Variants in TCF20 observed in about 807,000 individuals in gnomAD.
The protein encoded by TCF20 is SPRE-binding protein.
Under a neutral mutation model 148.6 loss-of-function variants are expected in TCF20, and 3 were observed. The ratio of observed to expected loss-of-function variants is 0.02; its 90% CI spans 0.01 to 0.05. TCF20 has a LOEUF of 0.05. Ranked by LOEUF, TCF20 falls within the 10% of genes least tolerant of loss-of-function variation. The probability of loss-of-function intolerance (pLI) is 1.00; values close to 1 mark genes in which losing one functional copy is unlikely to be tolerated. For synonymous variants in TCF20, 1,049 were observed against 909.5 expected, an observed-to-expected ratio of 1.15 and a Z score of -2.76; for missense variants, 2,350 against 2,429.3, an observed-to-expected ratio of 0.97 and a Z score of 0.69.
intron 3 of TCF20, among the ~76,000 whole-genome samples, chr22:42,175,929 G>A (rs888076632): frequency 1.3e-5 from 2 of 151,802 alleles, no homozygotes; most frequent in African/African-American, 4.8e-5. Flanking sequence ...TGGGTAGCTG[G>A]GACTACAGAC....
At chr22:42,208,020 T>C (rs371318443) in intron 2 of TCF20, among the ~76,000 whole-genome samples, 2 of 152,160 alleles carry the variant, frequency 1.3e-5, no homozygotes, top group African/African-American at 4.8e-5. Context: ...AGTGAGATGC[T>C]GTCTCTACAA....
chr22:42,251,935 G>T (rs998549118), intron 1 of TCF20, among the ~76,000 whole-genome samples: 1 of 152,018 alleles, frequency 6.6e-6, no homozygotes, highest in Non-Finnish European at 1.5e-5. Flanking sequence ...CAGGCGCAGT[G>T]GCTCATGCCT....
chr22:42,267,523 A>T (rs1327698376), intron 1 of TCF20, among the ~76,000 whole-genome samples: 1 of 151,704 alleles, frequency 6.6e-6, no homozygotes, highest in South Asian at 2.1e-4. Flanking sequence ...CAATATGGTG[A>T]AATCCCATCT....
Position 42,212,991 on chromosome 22 carries a change from G to A in TCF20, c.2315C>T (p.Thr772Ile), listed in dbSNP as rs1348096035. Reference protein sequence around the residue: ...HHPDRRYSRSTQEHQGMAGSL... With the variant: ...HHPDRRYSRSIQEHQGMAGSL... Reference sequence around the variant, plus strand: ...ACCAGCCATCCCCTGATGCTCTTGAGTACTCCTAGAATATCTCCTGTCAGG... The same window carrying A: ...ACCAGCCATCCCCTGATGCTCTTGAATACTCCTAGAATATCTCCTGTCAGG... The change falls in exon 2 of 6, where the codon ACT becomes ATT. Residue 772 changes from threonine (T) to isoleucine (I), a missense_variant. Thr to Ile is a moderately conservative substitution (Grantham distance 89, BLOSUM62 -1). This residue lies in a region of TCF20 where 1,641 missense variants were observed against 1,662.6 expected (regional missense o/e 0.99). Transcript: ENST00000677622. 4 of 1,614,114 alleles carry A rather than the reference G, an allele frequency of 2.5e-6. No homozygotes were observed. The highest frequency in any genetic ancestry group is 3.4e-6 in the Non-Finnish European group (4 of 1,180,008).
chr22:42,183,812 G>A (rs1285060499), intron 2 of TCF20, among the ~76,000 whole-genome samples: 2 of 148,132 alleles, frequency 1.4e-5, no homozygotes, highest in Non-Finnish European at 3.0e-5. Flanking sequence ...CGCTCTTGTC[G>A]CTCTGGAGTG....
Position 42,212,537 on chromosome 22 carries a change from G to T in TCF20, c.2769C>A (p.Ser923=). 6.2e-7 allele frequency: 1 copy of T among 1,613,924 alleles called. No individual in the cohort carries two copies. The highest frequency in any genetic ancestry group is 8.5e-7 in the Non-Finnish European group (1 of 1,179,824). Residue 923 remains serine (S), a synonymous_variant, in exon 2 of 6, where the codon TCC becomes TCA. Coordinates refer to ENST00000677622, the MANE Select transcript of TCF20 (RefSeq NM_001378418.1). Reference sequence around the variant, plus strand: ...CTTCCTCTTTTATCTGCCCGCTCTGGGATTTCAGCTTGGTTTCCATGGACA... The same window carrying T: ...CTTCCTCTTTTATCTGCCCGCTCTGTGATTTCAGCTTGGTTTCCATGGACA... ...GLVSMETKLK[S]QSGQIKEEDF...
intron 1 of TCF20, among the ~76,000 whole-genome samples, chr22:42,334,028 A>G (rs1928023433): frequency 6.6e-6 from 1 of 152,148 alleles, no homozygotes; most frequent in Non-Finnish European, 1.5e-5. Flanking sequence ...ACTCAACATA[A>G]TGGTACCCTT....
Position 42,251,520 on chromosome 22 carries a change from T to TTTTTTTTG in TCF20, c.-37+18818_-37+18819insCAAAAAAA, listed in dbSNP as rs1555947166. Among the ~76,000 whole-genome samples the TTTTTTTTG allele has an allele frequency of 9.5e-5, 11 of 115,716 alleles. 1 individual carries two copies. The highest frequency in any genetic ancestry group is 3.4e-4 in the African/African-American group (10 of 29,604). 75.9% of individuals were successfully genotyped at this position (115,716 alleles called of 152,430 possible). ...TTTTTTTTTTTTTTTTTTTTTTTTT[T>TTTTTTTTG]GAGACAGAATCTCACTCTGTCACCC... On this transcript the variant is annotated intron_variant, in intron 1 of 5. Transcript: ENST00000677622.
chr22:42,326,080 G>A (rs930418105), intron 1 of TCF20, among the ~76,000 whole-genome samples: 1 of 151,940 alleles, frequency 6.6e-6, no homozygotes, highest in African/African-American at 2.4e-5. Flanking sequence ...AGCTGCTGAG[G>A]GTCCCTTTGG....
chr22:42,277,436 G>A (rs1316075477), intron 1 of TCF20, among the ~76,000 whole-genome samples: 1 of 152,212 alleles, frequency 6.6e-6, no homozygotes, highest in Non-Finnish European at 1.5e-5. Flanking sequence ...GTACAATAGG[G>A]ACCCTGAGCC....
At chr22:42,189,530 T>C (rs1000346627) in intron 2 of TCF20, among the ~76,000 whole-genome samples, 1 of 152,246 alleles carries the variant, frequency 6.6e-6, no homozygotes, top group East Asian at 1.9e-4. Context: ...ACAGGCTATC[T>C]TCCTGCTTTA....
chr22:42,179,580 C>T (rs1446384559), intron 3 of TCF20, 29 bp downstream of exon 3: 1 of 1,517,800 alleles, frequency 6.6e-7, no homozygotes, highest in South Asian at 1.1e-5. Context: ...TTTGGATGCT[C>T]TGGACAAGGG....
At chr22:42,322,696 G>A (rs1327716540) in intron 1 of TCF20, among the ~76,000 whole-genome samples, 1 of 151,772 alleles carries the variant, frequency 6.6e-6, no homozygotes, top group Non-Finnish European at 1.5e-5. Flanking sequence ...GGGAATGAAT[G>A]AGTGTCTGAG....
upstream of TCF20, among the ~76,000 whole-genome samples, chr22:42,287,036 T>G (rs1927045062): frequency 2.0e-5 from 3 of 148,802 alleles, no homozygotes; most frequent in Non-Finnish European, 3.0e-5. Context: ...GAGGAGGAGG[T>G]ATGTAAGCTG....
chr22:42,313,751 C>T (rs926821075), intron 1 of TCF20, among the ~76,000 whole-genome samples: 5 of 152,082 alleles, frequency 3.3e-5, no homozygotes, highest in African/African-American at 1.2e-4. Context: ...ACAAGTGTGC[C>T]ACCACGCCCA....
chr22:42,275,373 A>C (rs1019106283), upstream of TCF20, among the ~76,000 whole-genome samples: 2 of 152,176 alleles, frequency 1.3e-5, no homozygotes, highest in Non-Finnish European at 2.9e-5. Flanking sequence ...AGGTGAGCAG[A>C]GAGCTAACAC....
At chr22:42,255,821 C>T (rs2032059932) in intron 1 of TCF20, among the ~76,000 whole-genome samples, 1 of 152,126 alleles carries the variant, frequency 6.6e-6, no homozygotes, top group African/African-American at 2.4e-5. Context: ...TCACACCTCT[C>T]TTCACAAAAC....
chr22:42,211,974 G>A lies in TCF20; in HGVS notation c.3332C>T (p.Ala1111Val), dbSNP rs1459503290. ...TGGCCCCTCCTGCCTGTGCTGTGCT[G>A]CAGCAATTACTCCCTGAGCAGAACC... ...SSGSAQGVIA[A>V]AQHRQEGPRK... The change falls in exon 2 of 6, where the codon GCA becomes GTA. Residue 1111 changes from alanine (A) to valine (V), a missense_variant. Transcript: ENST00000677622. 6.8e-6 allele frequency: 11 copies of A among 1,614,200 alleles called. No individual in the cohort carries two copies. The highest frequency in any genetic ancestry group is 7.6e-6 in the Non-Finnish European group (9 of 1,180,042).
intron 1 of TCF20, among the ~76,000 whole-genome samples, chr22:42,220,033 A>G (rs1448777641): frequency 6.6e-6 from 1 of 152,204 alleles, no homozygotes; most frequent in Non-Finnish European, 1.5e-5. Context: ...CCGACCTCAC[A>G]AACTCACTCA....
Sources: allele counts gnomAD v4.1 joint callset (sites outside exome capture counted in the v4.1 genomes callset), GRCh38; gene constraint gnomAD v4.1.1; regional missense constraint gnomAD v4.1.1; transcripts MANE v1.5; gene names NCBI Gene and HGNC (gene_info 2026-07-23, HGNC 2026-07-21).